The following RORA variants were observed in gnomAD, a reference collection of about 807,000 sequenced individuals.
RORA encodes RAR related orphan receptor A.
In RORA, 7 loss-of-function variants were observed where a neutral mutation model predicts 69.5. That is an observed-to-expected ratio of 0.10 (90% CI 0.06 to 0.19). The LOEUF (loss-of-function observed/expected upper bound fraction) is 0.19. RORA is among the 10% of genes least tolerant of loss of function. The pLI, the probability that RORA is intolerant of heterozygous loss-of-function variation, is 1.00. For missense variants in RORA, 457 were observed against 663.0 expected (o/e 0.69, Z 3.41); for synonymous variants, 261 against 240.8 (o/e 1.08, Z -0.78).
At chr15:61,064,792 T>C (rs1376235926) in intron 1 of RORA, among the ~76,000 whole-genome samples, 3 of 152,142 alleles carry the variant, frequency 2.0e-5, no homozygotes, top group African/African-American at 7.2e-5. Flanking sequence ...TCCCCTTTCT[T>C]GGCACAGAAG....
At chr15:60,508,736 A>G (rs1314031926) in intron 5 of RORA, among the ~76,000 whole-genome samples, 7 of 152,170 alleles carry the variant, frequency 4.6e-5, no homozygotes, top group Admixed American at 4.6e-4. Flanking sequence ...ACTTATATTA[A>G]TGCCAGGACC....
At chr15:60,514,577 A>G (rs1345742759) in intron 4 of RORA, 39 bp downstream of exon 4, 2 of 1,605,214 alleles carry the variant, frequency 1.2e-6, no homozygotes, top group East Asian at 2.2e-5. Context: ...CACTTTCACA[A>G]CCCCGTGCAA....
intron 1 of RORA, among the ~76,000 whole-genome samples, chr15:61,027,948 C>T (rs1005357862): frequency 2.6e-5 from 4 of 152,156 alleles, no homozygotes; most frequent in South Asian, 2.1e-4. Context: ...AAGTGTTCCA[C>T]GAAGGGTAGC....
In RORA at chr15:60,503,544, G is replaced by A. The variant is rs2065398020; in HGVS notation, c.1066C>T (p.Leu356=). ...ELCQNDQIVL[L]KAGSLEVVFI... is the part of the protein sequence containing the mutation. ...CTTGCAAAGCACATACCTGCTTTTAGAAGCACAATTTGATCATTTTGACAC... is the reference window on the plus strand; with the variant it reads ...CTTGCAAAGCACATACCTGCTTTTAAAAGCACAATTTGATCATTTTGACAC... Residue 356 remains leucine, a synonymous_variant, in exon 7 of 11, where the codon CTA becomes TTA. Transcript: ENST00000335670. The A allele has an allele frequency of 6.2e-7, 1 of 1,614,040 alleles. No homozygotes were observed. The highest frequency in any genetic ancestry group is 2.2e-5 in the East Asian group (1 of 44,870).
At chr15:60,738,248 A>G (rs1305841986) in intron 1 of RORA, among the ~76,000 whole-genome samples, 1 of 152,248 alleles carries the variant, frequency 6.6e-6, no homozygotes, top group Non-Finnish European at 1.5e-5. Context: ...TCTCACAGAT[A>G]TTAAAAGCAA....
At chr15:60,876,647 T>A (rs1294788600) in intron 1 of RORA, among the ~76,000 whole-genome samples, 1 of 152,172 alleles carries the variant, frequency 6.6e-6, no homozygotes, top group East Asian at 1.9e-4. Context: ...GAAATAATTT[T>A]TACATAGTAC....
chr15:61,014,395 A>G (rs1291214771), intron 1 of RORA, among the ~76,000 whole-genome samples: 2 of 152,212 alleles, frequency 1.3e-5, no homozygotes, highest in Admixed American at 6.5e-5. Context: ...TTCCATCACA[A>G]TCATGCCCAG....
At chr15:60,877,715 C>T (rs895253858) in intron 1 of RORA, among the ~76,000 whole-genome samples, 7 of 152,022 alleles carry the variant, frequency 4.6e-5, no homozygotes, top group Admixed American at 1.3e-4. Context: ...TAATGGAGTT[C>T]CTGACACTTC....
chr15:60,854,843 G>T (rs2073363472), intron 1 of RORA, among the ~76,000 whole-genome samples: 1 of 152,160 alleles, frequency 6.6e-6, no homozygotes, highest in Non-Finnish European at 1.5e-5. Context: ...TGATACTTTG[G>T]CAGTTTAAAG....
chr15:60,557,500 G>A (rs1021193981), intron 2 of RORA, among the ~76,000 whole-genome samples: 2 of 152,178 alleles, frequency 1.3e-5, no homozygotes, highest in African/African-American at 2.4e-5. Context: ...TACAAGCTCG[G>A]CCTTGCTTGA....
intron 1 of RORA, among the ~76,000 whole-genome samples, chr15:61,190,672 T>C (rs1326316863): frequency 1.3e-5 from 2 of 152,000 alleles, no homozygotes; most frequent in African/African-American, 2.4e-5. Context: ...CTCTTGAGCC[T>C]GGGAGGCAGA....
At chr15:60,790,141 A>G (rs1012379875) in intron 1 of RORA, among the ~76,000 whole-genome samples, 6 of 152,252 alleles carry the variant, frequency 3.9e-5, no homozygotes, top group African/African-American at 1.4e-4. Flanking sequence ...CTTAGCACTC[A>G]TAATTTCACC....
At chr15:61,220,941 C>G (rs1413286051) in intron 1 of RORA, among the ~76,000 whole-genome samples, 1 of 152,204 alleles carries the variant, frequency 6.6e-6, no homozygotes, top group Non-Finnish European at 1.5e-5. Context: ...CACTCCCCAG[C>G]CCCAAACAGG....
At chr15:60,965,337 T>C (rs955584470) in intron 1 of RORA, among the ~76,000 whole-genome samples, 1 of 152,176 alleles carries the variant, frequency 6.6e-6, no homozygotes, top group Non-Finnish European at 1.5e-5. Flanking sequence ...AATATCACCC[T>C]CTTCTCAGTC....
intron 1 of RORA, among the ~76,000 whole-genome samples, chr15:61,182,208 T>C (rs2079693321): frequency 6.6e-6 from 1 of 152,184 alleles, no homozygotes; most frequent in South Asian, 2.1e-4. Context: ...TCTCTAGGAA[T>C]TGACTAATCT....
chr15:60,822,935 T>C (rs750228474), intron 1 of RORA, among the ~76,000 whole-genome samples: 1 of 152,176 alleles, frequency 6.6e-6, no homozygotes, highest in Non-Finnish European at 1.5e-5. Context: ...ATCCAAATTC[T>C]ACATTAGGTA....
intron 1 of RORA, among the ~76,000 whole-genome samples, chr15:60,915,104 T>C (rs2140483223): frequency 6.6e-6 from 1 of 152,164 alleles, no homozygotes; most frequent in East Asian, 1.9e-4. Flanking sequence ...CACTAGCCTA[T>C]CTAATTCTAA....
In RORA at chr15:61,128,713, C is replaced by T. The variant is rs1177118574; in HGVS notation, c.166+100340G>A. 6.6e-6 allele frequency among the ~76,000 whole-genome samples: 1 copy of T among 152,186 alleles called. No homozygotes were observed. On this transcript the variant is annotated intron_variant, in intron 1 of 10. Transcript: ENST00000335670. The surrounding 1 kb of genome is among the most constrained non-coding windows in gnomAD (Gnocchi z 4.5). ...ATATCTGTCAGGGAAGGGGAAATAA[C>T]TCCTGAATTTCCTCCAGGGGAGTAA...
chr15:61,164,772 T>A (rs1240576452), intron 1 of RORA, among the ~76,000 whole-genome samples: 3 of 152,162 alleles, frequency 2.0e-5, no homozygotes, highest in Non-Finnish European at 4.4e-5. Context: ...GCTAAAGAGA[T>A]CTGGAAGCTG....
Sources: allele counts gnomAD v4.1 joint callset (sites outside exome capture counted in the v4.1 genomes callset), GRCh38; gene constraint gnomAD v4.1.1; non-coding constraint Gnocchi (gnomAD v3.1); transcripts MANE v1.5; gene names NCBI Gene and HGNC (gene_info 2026-07-23, HGNC 2026-07-21).